GPC5: variants seen among roughly 807,000 people sequenced by gnomAD.
The protein encoded by GPC5 is glypican-5.
In GPC5, 47 loss-of-function variants were observed where a neutral mutation model predicts 53.9. The observed-to-expected ratio is 0.87, with a 90% CI of 0.69 to 1.11. GPC5 has a LOEUF of 1.11. Ranked by LOEUF, GPC5 falls within the 50% of genes most tolerant of loss-of-function variation. GPC5 has a pLI of 0.00. For synonymous variants in GPC5, 286 were observed against 263.3 expected (o/e 1.09, Z -0.84); for missense variants, 748 against 713.1 (o/e 1.05, Z -0.56).
intron 2 of GPC5, among the ~76,000 whole-genome samples, chr13:91,466,610 G>A (rs1724116755): frequency 6.6e-6 from 1 of 151,988 alleles, no homozygotes; most frequent in Admixed American, 6.6e-5. Flanking sequence ...TAATAGTCTG[G>A]GTGAGAGAAA....
At chr13:91,736,621 G>A (rs1004377386) in intron 4 of GPC5, among the ~76,000 whole-genome samples, 2 of 151,042 alleles carry the variant, frequency 1.3e-5, no homozygotes, top group East Asian at 1.9e-4. Flanking sequence ...AATAGACAAG[G>A]AAAACATCCA....
intron 2 of GPC5, among the ~76,000 whole-genome samples, chr13:91,562,065 T>C (rs193041861): frequency 6.6e-6 from 1 of 152,022 alleles, no homozygotes; most frequent in East Asian, 1.9e-4. Context: ...CCTCCTCCAG[T>C]TCATGCCAGG....
intron 6 of GPC5, among the ~76,000 whole-genome samples, chr13:91,918,368 G>C (rs892014981): frequency 6.6e-6 from 1 of 152,116 alleles, no homozygotes; most frequent in African/African-American, 2.4e-5. Context: ...TATTTTATGA[G>C]AACATCAGTT....
At chr13:91,677,058 CAA>C (rs1379368545) in intron 2 of GPC5, among the ~76,000 whole-genome samples, 1 of 152,122 alleles carries the variant, frequency 6.6e-6, no homozygotes, top group Non-Finnish European at 1.5e-5. Context: ...GCAGTAATAA[CAA>C]GTGTGGACTG....
At chr13:91,904,317 G>T (rs571192380) in intron 5 of GPC5, among the ~76,000 whole-genome samples, 1 of 151,436 alleles carries the variant, frequency 6.6e-6, no homozygotes, top group Non-Finnish European at 1.5e-5. Context: ...TGGGACTAAA[G>T]GCTCATGCCA....
intron 6 of GPC5, among the ~76,000 whole-genome samples, chr13:92,062,724 T>A (rs2041134985): frequency 1.3e-5 from 2 of 151,996 alleles, no homozygotes; most frequent in Non-Finnish European, 2.9e-5. Flanking sequence ...GTTTTTATAA[T>A]CAGGTAGTAA....
At chr13:92,759,841 A>T (rs1435077468) in intron 7 of GPC5, among the ~76,000 whole-genome samples, 1 of 152,054 alleles carries the variant, frequency 6.6e-6, no homozygotes, top group Non-Finnish European at 1.5e-5. Flanking sequence ...TTATGATGTC[A>T]TCTGTGGGTT....
At chr13:91,797,610 A>C (rs2989995) in intron 5 of GPC5, among the ~76,000 whole-genome samples, 54,643 of 152,040 alleles carry the variant, frequency 0.36, 11,130 homozygotes, top group African/African-American at 0.56. Flanking sequence ...TAGATATTAG[A>C]AAGCAGGTTC....
At chr13:92,632,228 C>G (rs1885262539) in intron 7 of GPC5, among the ~76,000 whole-genome samples, 1 of 151,986 alleles carries the variant, frequency 6.6e-6, no homozygotes, top group South Asian at 2.1e-4. Context: ...TACAAAGAGC[C>G]AATGACTGAA....
chr13:91,873,306 C>A (rs2039167526), intron 5 of GPC5, among the ~76,000 whole-genome samples: 1 of 152,068 alleles, frequency 6.6e-6, no homozygotes, highest in African/African-American at 2.4e-5. Context: ...TTCAACTCAC[C>A]AAACTGGGGC....
intron 6 of GPC5, among the ~76,000 whole-genome samples, chr13:92,002,956 T>C (rs1042307618): frequency 2.6e-5 from 4 of 152,122 alleles, no homozygotes; most frequent in Admixed American, 1.3e-4. Flanking sequence ...TTTAAGAACA[T>C]TTAAATGGAA....
At chr13:91,886,828 C>G (rs1035342425) in intron 5 of GPC5, among the ~76,000 whole-genome samples, 5 of 152,314 alleles carry the variant, frequency 3.3e-5, no homozygotes, top group South Asian at 4.1e-4. Context: ...CAGCTCTCCC[C>G]CTGTGGGTTT....
chr13:92,445,665 A>G (rs1284869745), intron 7 of GPC5, among the ~76,000 whole-genome samples: 1 of 151,584 alleles, frequency 6.6e-6, no homozygotes, highest in Non-Finnish European at 1.5e-5. Flanking sequence ...TTATGGCTGC[A>G]TAGTATTCCA....
intron 5 of GPC5, among the ~76,000 whole-genome samples, chr13:91,826,113 A>T (rs1389473552): frequency 6.6e-6 from 1 of 151,830 alleles, no homozygotes; most frequent in Non-Finnish European, 1.5e-5. Flanking sequence ...TGAAAATAAT[A>T]AAAAATATGC....
chr13:92,522,940 A>G lies in GPC5; in HGVS notation c.1562-343342A>G, dbSNP rs1406821781. Among the ~76,000 whole-genome samples, 3 of 152,162 alleles carry G rather than the reference A, an allele frequency of 2.0e-5. No homozygotes were observed. In the South Asian group the frequency reaches 6.2e-4, roughly 31 times the overall value. On this transcript the variant is annotated intron_variant, in intron 7 of 7. Coordinates refer to ENST00000377067, the MANE Select transcript of GPC5 (RefSeq NM_004466.6). ...AAAATAAATGTTTTTGGTAAAAACA[A>G]TGTTTTATGGAAAACAATACAAATA... is the stretch of plus-strand genomic sequence containing the variant.
intron 7 of GPC5, among the ~76,000 whole-genome samples, chr13:92,823,005 T>C (rs115999050): frequency 0.019 from 2,831 of 152,022 alleles, 108 homozygotes; most frequent in African/African-American, 0.065. Context: ...CCACAGAAGA[T>C]ACTACCAGGT....
At chr13:92,037,112 A>G (rs1337113181) in intron 6 of GPC5, among the ~76,000 whole-genome samples, 2 of 152,094 alleles carry the variant, frequency 1.3e-5, no homozygotes, top group Non-Finnish European at 2.9e-5. Context: ...TCTTTCTTCT[A>G]AGGACTTTTA....
At chr13:92,163,852 A>T (rs2042008412) in intron 7 of GPC5, among the ~76,000 whole-genome samples, 1 of 152,196 alleles carries the variant, frequency 6.6e-6, no homozygotes, top group Non-Finnish European at 1.5e-5. Context: ...ATTTATAAAG[A>T]AAAGAGGTTT....
At chr13:92,610,271 C>T (rs1822594919) in intron 7 of GPC5, among the ~76,000 whole-genome samples, 2 of 151,858 alleles carry the variant, frequency 1.3e-5, no homozygotes, top group African/African-American at 4.8e-5. Context: ...TTATTTTATC[C>T]TAGTAGAGTT....
Sources: allele counts gnomAD v4.1 joint callset (sites outside exome capture counted in the v4.1 genomes callset), GRCh38; gene constraint gnomAD v4.1.1; transcripts MANE v1.5; gene names NCBI Gene and HGNC (gene_info 2026-07-23, HGNC 2026-07-21).